The following ZFP64 variants were observed in gnomAD, a reference collection of about 807,000 sequenced individuals.
ZFP64 encodes zinc finger protein 64.
Under a neutral mutation model 51.6 loss-of-function variants are expected in ZFP64, and 14 were observed. The ratio of observed to expected loss-of-function variants is 0.27; its 90% CI spans 0.18 to 0.42. The LOEUF (loss-of-function observed/expected upper bound fraction) is 0.42, where lower values mean the gene tolerates loss of function less well. Among genes scored for constraint, ZFP64 ranks in the 10% least tolerant of loss-of-function variants. The pLI is 1.00. For missense variants in ZFP64, 754 were observed against 906.8 expected, an observed-to-expected ratio of 0.83 and a Z score of 2.16; for synonymous variants, 375 against 361.4, an observed-to-expected ratio of 1.04 and a Z score of -0.43.
intron 1 of ZFP64, among the ~76,000 whole-genome samples, chr20:52,187,393 G>A (rs1345741501): frequency 1.3e-5 from 2 of 151,990 alleles, no homozygotes; most frequent in Non-Finnish European, 2.9e-5. Context: ...AGGCTGAGGC[G>A]GGCGGATCAC....
intron 5 of ZFP64, among the ~76,000 whole-genome samples, chr20:52,133,739 A>C (rs533596793): frequency 2.0e-5 from 3 of 152,302 alleles, no homozygotes; most frequent in African/African-American, 7.2e-5. Context: ...GCCTTCTTCA[A>C]GAAGGGCTTT....
intron 2 of ZFP64, 89 bp from the exon 3 acceptor site, chr20:52,166,114 G>T: frequency 7.4e-7 from 1 of 1,358,424 alleles, no homozygotes; most frequent in Non-Finnish European, 9.8e-7. Flanking sequence ...GAGAATGCAT[G>T]TACTAGTTTG....
chr20:52,139,219 G>A (rs973453165), intron 5 of ZFP64, among the ~76,000 whole-genome samples: 5 of 152,224 alleles, frequency 3.3e-5, no homozygotes, highest in Non-Finnish European at 7.4e-5. Context: ...TACGTTCATC[G>A]CAGCACTATT....
Position 52,191,606 on chromosome 20 carries a change from C to A in ZFP64, c.31G>T (p.Ala11Ser). Residue 11 changes from alanine to serine, a missense_variant, in exon 1 of 6, where the codon GCG (alanine) becomes TCG (serine). This residue lies in a region of ZFP64 where 95 missense variants were observed against 97.7 expected (regional missense o/e 0.97). Transcript: ENST00000216923. The surrounding 1 kb of genome is among the most constrained non-coding windows in gnomAD (Gnocchi z 4.3). MNASSEGESF[A>S]GSVQIPGGTT... The stretch of plus-strand genomic sequence containing the variant: ...AAGCACTTACTTTGCACCGAGCCCG[C>A]GAAGCTCTCGCCCTCGCTGCTCGCG... 6.3e-7 allele frequency: 1 copy of A among 1,589,696 alleles called. No homozygotes were observed. The highest frequency in any genetic ancestry group is 1.7e-4 in the Middle Eastern group (1 of 6,006).
intron 2 of ZFP64, among the ~76,000 whole-genome samples, chr20:52,183,384 C>T (rs929125787): frequency 4.6e-5 from 7 of 152,182 alleles, no homozygotes; most frequent in Admixed American, 1.3e-4. Context: ...GGCTCCCATC[C>T]ACTGTGAGAG....
rs746809097 is a variant in ZFP64 at position 52,118,643 on chromosome 20, T to C, written c.764-20056A>G. On this transcript the variant is annotated intron_variant, in intron 5 of 8. Coordinates refer to the ZFP64 transcript ENST00000361387. ...TAACAAACATTAATTGGGTTGCCAC[T>C]GGGGGCAAGGCTTTGCTAACCTTTG... Among the ~76,000 whole-genome samples the C allele has an allele frequency of 2.4e-4, 36 of 152,368 alleles. 1 individual carries two copies. The highest frequency in any genetic ancestry group is 2.3e-3 in the South Asian group (11 of 4,828).
chr20:52,153,480 G>A lies in ZFP64; in HGVS notation c.764-52C>T, dbSNP rs1255989162. On this transcript the variant is annotated intron_variant, in intron 5 of 5. Coordinates refer to ENST00000216923, the MANE Select transcript of ZFP64 (RefSeq NM_018197.3). This position sits in a 1 kb window ranked among gnomAD's most constrained non-coding sequence, Gnocchi z 5.1. Reference sequence around the variant, plus strand: ...AGAACAGGCAGGCAACAACCACAGCGGATCCCCCCGAAGCACACACCAGAA... The same window carrying A: ...AGAACAGGCAGGCAACAACCACAGCAGATCCCCCCGAAGCACACACCAGAA... 4 of 1,564,402 alleles carry A rather than the reference G, an allele frequency of 2.6e-6. No individual in the cohort carries two copies. Among genetic ancestry groups the A allele is most frequent in the Non-Finnish European group, 2.6e-6 (3 of 1,154,144 alleles).
intron 5 of ZFP64, among the ~76,000 whole-genome samples, chr20:52,134,013 A>T (rs6091455): frequency 0.17 from 24,201 of 139,472 alleles, 2,206 homozygotes; most frequent in Non-Finnish European, 0.21. Context: ...TGGGCAACAG[A>T]GTGAGATCCT....
intron 5 of ZFP64, among the ~76,000 whole-genome samples, chr20:52,141,940 T>A (rs1195990221): frequency 6.6e-6 from 1 of 152,130 alleles, no homozygotes; most frequent in Non-Finnish European, 1.5e-5. Context: ...ATGAAATAAC[T>A]CAGAAACAGA....
At chr20:52,086,232 G>A (rs2078862485) in intron 8 of ZFP64, among the ~76,000 whole-genome samples, 1 of 152,120 alleles carries the variant, frequency 6.6e-6, no homozygotes, top group African/African-American at 2.4e-5. Flanking sequence ...TGGTGACTGG[G>A]AATGTGATAT....
intron 5 of ZFP64, among the ~76,000 whole-genome samples, chr20:52,134,872 T>C (rs1979895052): frequency 6.6e-6 from 1 of 152,196 alleles, no homozygotes; most frequent in African/African-American, 2.4e-5. Flanking sequence ...GTTATTTTTA[T>C]ATTTTTTTGA....
chr20:52,145,367 T>C (rs1980472861), intron 5 of ZFP64, among the ~76,000 whole-genome samples: 1 of 152,206 alleles, frequency 6.6e-6, no homozygotes, highest in South Asian at 2.1e-4. Flanking sequence ...GAAAAGGTAC[T>C]GTAGCCCAGG....
At chr20:52,102,328 T>C (rs1398239212) in intron 5 of ZFP64, among the ~76,000 whole-genome samples, 1 of 152,034 alleles carries the variant, frequency 6.6e-6, no homozygotes, top group Non-Finnish European at 1.5e-5. Context: ...GAGTTCCTGA[T>C]TGAGTAGGTA....
chr20:52,108,154 A>G (rs62216876), intron 5 of ZFP64, among the ~76,000 whole-genome samples: 27,347 of 152,170 alleles, frequency 0.18, 2,603 homozygotes, highest in Non-Finnish European at 0.21. Flanking sequence ...GACCCTTGGA[A>G]GCTGAGGCAG....
At position 52,151,306 on chromosome 20, in the gene ZFP64, T is replaced by C. The variant is rs528318075; in HGVS notation, c.*840A>G. On this transcript the variant is annotated 3_prime_UTR_variant, in exon 6 of 6. Coordinates refer to ENST00000216923, the MANE Select transcript of ZFP64 (RefSeq NM_018197.3). The stretch of plus-strand genomic sequence containing the variant: ...ATTTTAATCAGATATCAATTTATTA[T>C]GGAACCATTCATTTTCTGCTCATTA... 1.0e-6 allele frequency: 1 copy of C among 985,228 alleles called. No individual in the cohort carries two copies. The highest frequency in any genetic ancestry group is 1.2e-6 in the Non-Finnish European group (1 of 829,828). 61.0% of individuals were successfully genotyped at this position (985,228 alleles called of 1,614,324 possible). A position where few individuals can be genotyped will look rare whatever the true frequency, so the allele number is the denominator to read the frequency against.
intron 5 of ZFP64, among the ~76,000 whole-genome samples, chr20:52,126,113 G>A (rs1379118905): frequency 6.6e-6 from 1 of 152,104 alleles, no homozygotes; most frequent in African/African-American, 2.4e-5. Context: ...GGCCAGGCTG[G>A]TCTCGAACTC....
chr20:52,125,562 T>G (rs1352787580), intron 5 of ZFP64, among the ~76,000 whole-genome samples: 1 of 152,238 alleles, frequency 6.6e-6, no homozygotes, highest in Non-Finnish European at 1.5e-5. Context: ...TTTTGTGTGC[T>G]TCCTTGGTCT....
In ZFP64 at chr20:52,153,406, C is replaced by A; in HGVS notation, c.786G>T (p.Trp262Cys). ...SHTGDAPFQC[W>C]LCSAKFKISS... ...TGATTTTGAACTTGGCGCTACAGAG[C>A]CAGCACTGGAAGGGGGCGTCCCCTG... Residue 262 changes from tryptophan (W) to cysteine (C), a missense_variant, in exon 6 of 6, where the codon TGG becomes TGT. Transcript: ENST00000216923. This position sits in a 1 kb window ranked among gnomAD's most constrained non-coding sequence, Gnocchi z 5.1. The A allele has an allele frequency of 6.2e-7, 1 of 1,613,882 alleles. No individual in the cohort carries two copies. The highest frequency in any genetic ancestry group is 2.2e-5 in the East Asian group (1 of 44,870).
At chr20:52,188,705 G>A (rs2123140757) in intron 1 of ZFP64, among the ~76,000 whole-genome samples, 2 of 151,842 alleles carry the variant, frequency 1.3e-5, no homozygotes, top group East Asian at 1.9e-4. Flanking sequence ...CACTGTATTA[G>A]AAGCTACTAT....
Sources: gnomAD v4.1 joint callset for allele counts (sites outside exome capture counted in the v4.1 genomes callset) on GRCh38, gnomAD v4.1.1 for gene constraint, gnomAD v4.1.1 regional missense constraint, Gnocchi (gnomAD v3.1) non-coding constraint, MANE v1.5 for transcripts, NCBI Gene and HGNC (gene_info 2026-07-23, HGNC 2026-07-21) for gene names.